Variants in NTNG1 observed in about 807,000 individuals in gnomAD.
The protein encoded by NTNG1 is netrin G1.
NTNG1 carries 16 observed loss-of-function variants against 54.0 expected under a neutral mutation model. That is an observed-to-expected ratio of 0.30 (90% confidence interval 0.20 to 0.45). The LOEUF (loss-of-function observed/expected upper bound fraction) is 0.45, where lower values mean the gene tolerates loss of function less well. Among genes scored for constraint, NTNG1 ranks in the 20% least tolerant of loss-of-function variants. The pLI is 1.00. For synonymous variants in NTNG1, 255 were observed against 263.1 expected (o/e 0.97, Z 0.30); for missense variants, 530 against 678.7 (o/e 0.78, Z 2.43).
chr1:107,361,665 G>A (rs1420444641), intron 3 of NTNG1, among the ~76,000 whole-genome samples: 1 of 151,852 alleles, frequency 6.6e-6, no homozygotes, highest in East Asian at 1.9e-4. Context: ...TGGGATTACA[G>A]GTGTGAGCCA....
intron 5 of NTNG1, among the ~76,000 whole-genome samples, chr1:107,428,940 A>C (rs996672626): frequency 6.6e-6 from 1 of 151,928 alleles, no homozygotes; most frequent in Non-Finnish European, 1.5e-5. Flanking sequence ...TTACTACTAA[A>C]TTTATATGGA....
intron 7 of NTNG1, among the ~76,000 whole-genome samples, chr1:107,467,181 TAACA>T (rs1378251757): frequency 1.3e-5 from 2 of 152,242 alleles, no homozygotes; most frequent in East Asian, 3.9e-4. Context: ...AAAGAAAAAT[TAACA>T]AATAGATCTT....
At chr1:107,343,683 A>G (rs1453239792) in intron 3 of NTNG1, among the ~76,000 whole-genome samples, 2 of 152,212 alleles carry the variant, frequency 1.3e-5, no homozygotes, top group Non-Finnish European at 2.9e-5. Flanking sequence ...AGGGCCACCA[A>G]AAAGAGCCAG....
intron 3 of NTNG1, among the ~76,000 whole-genome samples, chr1:107,331,751 C>G (rs1024685456): frequency 6.6e-6 from 1 of 152,092 alleles, no homozygotes; most frequent in African/African-American, 2.4e-5. Context: ...TTTCCTTTAA[C>G]TTCCACATAT....
At chr1:107,298,136 T>G (rs937454541) in intron 2 of NTNG1, among the ~76,000 whole-genome samples, 1 of 152,146 alleles carries the variant, frequency 6.6e-6, no homozygotes, top group Non-Finnish European at 1.5e-5. Context: ...AATTAATCAT[T>G]AAAGTTATAA....
chr1:107,407,006 C>T (rs767763701), intron 4 of NTNG1, among the ~76,000 whole-genome samples: 20 of 152,252 alleles, frequency 1.3e-4, no homozygotes, highest in Non-Finnish European at 2.6e-4. Flanking sequence ...GGCTTCTCTA[C>T]CTTAGCACAA....
intron 2 of NTNG1, among the ~76,000 whole-genome samples, chr1:107,211,063 T>C (rs545118636): frequency 3.9e-4 from 59 of 152,318 alleles, no homozygotes; most frequent in African/African-American, 1.3e-3. Context: ...CAATCAGTCA[T>C]ACATATTCTC....
intron 5 of NTNG1, among the ~76,000 whole-genome samples, chr1:107,425,334 A>G (rs2101278369): frequency 6.6e-6 from 1 of 152,050 alleles, no homozygotes; most frequent in South Asian, 2.1e-4. Context: ...TCAACCCTCA[A>G]ACATCCCCCA....
chr1:107,209,685 G>C (rs867535479), intron 2 of NTNG1, among the ~76,000 whole-genome samples: 1 of 152,148 alleles, frequency 6.6e-6, no homozygotes, highest in African/African-American at 2.4e-5. Context: ...ATTTTCCTAA[G>C]AATTCTCTAT....
chr1:107,437,944 T>G (rs1570961671), intron 7 of NTNG1, among the ~76,000 whole-genome samples: 1 of 152,238 alleles, frequency 6.6e-6, no homozygotes, highest in Non-Finnish European at 1.5e-5. Flanking sequence ...TTGAAACAAA[T>G]GTCAGCATGC....
intron 2 of NTNG1, among the ~76,000 whole-genome samples, chr1:107,200,188 C>T (rs4914940): frequency 0.98 from 148,892 of 151,884 alleles, 73,048 homozygotes; most frequent in East Asian, 1. Context: ...TGGTTAGCTA[C>T]TAATATTAAC....
At chr1:107,281,235 CATATAAA>C (rs1490254028) in intron 2 of NTNG1, among the ~76,000 whole-genome samples, 2 of 151,986 alleles carry the variant, frequency 1.3e-5, no homozygotes, top group Non-Finnish European at 2.9e-5. Context: ...CAATTATGTA[CATATAAA>C]ACACTGTTAC....
At chr1:107,269,920 G>A (rs1478772880) in intron 2 of NTNG1, among the ~76,000 whole-genome samples, 3 of 152,204 alleles carry the variant, frequency 2.0e-5, no homozygotes, top group African/African-American at 7.2e-5. Flanking sequence ...CACAATAGTG[G>A]TCTAAGCAAT....
intron 2 of NTNG1, among the ~76,000 whole-genome samples, chr1:107,293,836 A>G (rs1257499439): frequency 6.6e-6 from 1 of 152,212 alleles, no homozygotes; most frequent in Admixed American, 6.5e-5. Flanking sequence ...AGAGTGAAAT[A>G]ATTTACTGCA....
At chr1:107,285,099 C>T (rs1665104715) in intron 2 of NTNG1, among the ~76,000 whole-genome samples, 2 of 152,014 alleles carry the variant, frequency 1.3e-5, no homozygotes, top group African/African-American at 4.8e-5. Context: ...GGTTATTCTA[C>T]TTGATGCTGT....
intron 7 of NTNG1, among the ~76,000 whole-genome samples, chr1:107,449,256 G>A (rs570983653): frequency 8.6e-5 from 13 of 151,896 alleles, no homozygotes; most frequent in Non-Finnish European, 1.3e-4. Flanking sequence ...GGGACATCTC[G>A]GTGACTATAT....
At chr1:107,450,026 C>T (rs1011605557) in intron 7 of NTNG1, among the ~76,000 whole-genome samples, 2 of 151,994 alleles carry the variant, frequency 1.3e-5, no homozygotes, top group Non-Finnish European at 2.9e-5. Context: ...TGCTTTATTC[C>T]TACTGATAGG....
chr1:107,140,568 G>A (rs898148080), upstream of NTNG1, among the ~76,000 whole-genome samples: 6 of 152,052 alleles, frequency 3.9e-5, no homozygotes, highest in African/African-American at 1.2e-4. Context: ...AGGAATGCGC[G>A]AAGGAAACCC....
intron 2 of NTNG1, among the ~76,000 whole-genome samples, chr1:107,156,746 T>C (rs1655028214): frequency 6.6e-6 from 1 of 152,176 alleles, no homozygotes; most frequent in East Asian, 1.9e-4. Flanking sequence ...TGCCATTGAA[T>C]GTATACTCCG....
Sources: allele counts gnomAD v4.1 joint callset (sites outside exome capture counted in the v4.1 genomes callset), GRCh38; gene constraint gnomAD v4.1.1; transcripts MANE v1.5; gene names NCBI Gene and HGNC (gene_info 2026-07-23, HGNC 2026-07-21).